DNAJC17: variants seen among roughly 807,000 people sequenced by gnomAD.
The protein encoded by DNAJC17 is DnaJ heat shock protein family (Hsp40) member C17.
DNAJC17 carries 35 observed loss-of-function variants against 48.1 expected under a neutral mutation model. The observed-to-expected ratio is 0.73, with a 90% CI of 0.56 to 0.96. The LOEUF (loss-of-function observed/expected upper bound fraction) is 0.96, where lower values mean the gene tolerates loss of function less well. DNAJC17 is among the 50% of genes least tolerant of loss of function. The pLI, the probability that DNAJC17 is intolerant of heterozygous loss-of-function variation, is 0.00. For synonymous variants in DNAJC17, 117 were observed against 142.7 expected (o/e 0.82, Z 1.28); for missense variants, 355 against 377.1 (o/e 0.94, Z 0.48).
intron 10 of DNAJC17, among the ~76,000 whole-genome samples, chr15:40,772,754 C>A (rs1173217207): frequency 6.6e-6 from 1 of 152,238 alleles, no homozygotes; most frequent in Non-Finnish European, 1.5e-5. Context: ...ATCTTGCCCC[C>A]AAAGCAATCT....
chr15:40,777,618 TGAGGCAGGAGAATCGCTTGAACCCAG>T (rs1889368569), intron 4 of DNAJC17, among the ~76,000 whole-genome samples: 3 of 150,926 alleles, frequency 2.0e-5, no homozygotes, highest in Admixed American at 2.0e-4. Flanking sequence ...CTCGGGAGGC[TGAGGCAGGAGAATCGCTTGAACCCAG>T]GAGGCAGAGG....
chr15:40,807,135 G>C, intron 1 of DNAJC17: 1 of 1,051,842 alleles, frequency 9.5e-7, no homozygotes, highest in Non-Finnish European at 1.3e-6. Context: ...AGGGGCCACG[G>C]GGAGAGCACA....
chr15:40,806,476 C>G (rs1201681947), intron 1 of DNAJC17, among the ~76,000 whole-genome samples: 1 of 152,110 alleles, frequency 6.6e-6, no homozygotes, highest in African/African-American at 2.4e-5. Context: ...CTCGGCCTCC[C>G]AAAGTGCTGA....
In DNAJC17 at chr15:40,779,962, G is replaced by C. The variant is rs1305083834; in HGVS notation, c.114C>G (p.Cys38Trp). The C allele has an allele frequency of 1.4e-5, 22 of 1,613,998 alleles. No individual in the cohort carries two copies. The highest frequency in any genetic ancestry group is 1.7e-5 in the Admixed American group (1 of 59,994). The change falls in exon 2 of 11, where the codon TGC becomes TGG. Residue 38 changes from cysteine to tryptophan, a missense_variant. By Grantham distance (215) the Cys-to-Trp change is radical. Transcript: ENST00000220496. ...KKAYRQKALSCHPDKNPDNPR... is the reference protein window; with the variant it reads ...KKAYRQKALSWHPDKNPDNPR... Reference sequence around the variant, plus strand: ...GATTATCTGGATTTTTGTCTGGGTGGCAGGAGAGGGCCTTCTGCCTATACG... The same window carrying C: ...GATTATCTGGATTTTTGTCTGGGTGCCAGGAGAGGGCCTTCTGCCTATACG...
intron 1 of DNAJC17, chr15:40,807,162 A>T: frequency 7.8e-7 from 1 of 1,275,086 alleles, no homozygotes; most frequent in Non-Finnish European, 1.1e-6. Context: ...CGGCGCGAAG[A>T]GCCCTCTGTA....
chr15:40,779,816 C>A, intron 2 of DNAJC17, 112 bp downstream of exon 2: 1 of 1,302,180 alleles, frequency 7.7e-7, no homozygotes, highest in South Asian at 1.3e-5. Flanking sequence ...TTGCCTGGAG[C>A]CAGGCAATGT....
intron 1 of DNAJC17, among the ~76,000 whole-genome samples, chr15:40,800,876 T>C (rs982867193): frequency 4.6e-5 from 7 of 151,318 alleles, no homozygotes; most frequent in African/African-American, 1.7e-4. Context: ...GAGAATTGCT[T>C]GAACCTGGGA....
chr15:40,801,627 C>T (rs1226003872), intron 1 of DNAJC17, among the ~76,000 whole-genome samples: 1 of 151,706 alleles, frequency 6.6e-6, no homozygotes, highest in Non-Finnish European at 1.5e-5. Flanking sequence ...GTGGCGGGCG[C>T]CTGTAGTCCC....
intron 1 of DNAJC17, among the ~76,000 whole-genome samples, chr15:40,801,394 C>T (rs2141964722): frequency 6.6e-6 from 1 of 152,294 alleles, no homozygotes; most frequent in East Asian, 1.9e-4. Flanking sequence ...CAAGTAAAAG[C>T]AACCCAGATT....
intron 1 of DNAJC17, among the ~76,000 whole-genome samples, chr15:40,794,378 C>G (rs979654849): frequency 2.0e-5 from 3 of 151,768 alleles, no homozygotes; most frequent in Non-Finnish European, 4.4e-5. Flanking sequence ...AAGAACAAAA[C>G]CTGTTACTTT....
intron 1 of DNAJC17, among the ~76,000 whole-genome samples, chr15:40,791,073 C>T (rs1889786682): frequency 6.6e-6 from 1 of 152,144 alleles, no homozygotes; most frequent in South Asian, 2.1e-4. Context: ...TGCGGTGACT[C>T]ATGCCTGTAA....
intron 8 of DNAJC17, 45 bp downstream of exon 8, chr15:40,774,986 C>G: frequency 6.2e-7 from 1 of 1,600,198 alleles, no homozygotes; most frequent in Non-Finnish European, 8.6e-7. Flanking sequence ...TGGACTGAGA[C>G]GTGGACTGAG....
intron 10 of DNAJC17, chr15:40,771,323 G>A (rs546561996): frequency 4.6e-5 from 20 of 430,860 alleles, no homozygotes; most frequent in Middle Eastern, 7.1e-4. Flanking sequence ...AGGCTGTGCC[G>A]GGAAAGGGAG....
chr15:40,778,217 C>T (rs1463354719), intron 4 of DNAJC17, among the ~76,000 whole-genome samples: 2 of 151,682 alleles, frequency 1.3e-5, no homozygotes, highest in African/African-American at 2.4e-5. Context: ...AAGAAGAAGA[C>T]TCAGCCAGAA....
Position 40,801,709 on chromosome 15 carries a change from G to T in DNAJC17, c.78+5660C>A, listed in dbSNP as rs1890076122. Among the ~76,000 whole-genome samples, 3 of 144,022 alleles carry T rather than the reference G, an allele frequency of 2.1e-5. No individual in the cohort carries two copies. The South Asian group carries it at 6.5e-4, about 31-fold the overall frequency. 94.5% of individuals were successfully genotyped at this position (144,022 alleles called of 152,430 possible). On this transcript the variant is annotated intron_variant, in intron 1 of 10. Coordinates refer to ENST00000220496, the MANE Select transcript of DNAJC17 (RefSeq NM_018163.3). ...CGGAGCTTGCAGCCACTGCACTCCA[G>T]CCTGGGTGACAGAGCGAGACTCCGT...
At chr15:40,800,309 C>T (rs771286840) in intron 1 of DNAJC17, among the ~76,000 whole-genome samples, 4 of 152,130 alleles carry the variant, frequency 2.6e-5, no homozygotes, top group Non-Finnish European at 5.9e-5. Context: ...CTCAGGTGAT[C>T]CACCTGCCTC....
rs146384602 is a variant in DNAJC17, at chr15:40,766,196, G to A, written c.*1744C>T. 1.1e-5 allele frequency: 3 copies of A among 272,948 alleles called. No homozygotes were observed. The highest frequency in any genetic ancestry group is 1.4e-5 in the Non-Finnish European group (2 of 145,642). 16.9% of individuals were successfully genotyped at this position (272,948 alleles called of 1,614,324 possible). On this transcript the variant is annotated 3_prime_UTR_variant, in exon 11 of 11. Coordinates refer to ENST00000220496, the MANE Select transcript of DNAJC17 (RefSeq NM_018163.3). ...GGGTCTAGGACTCCACTAGCAGACT[G>A]TTCCTTGCCCTGCCCTCTCCTAAGC...
At chr15:40,803,278 T>A (rs1890120456) in intron 1 of DNAJC17, among the ~76,000 whole-genome samples, 1 of 152,216 alleles carries the variant, frequency 6.6e-6, no homozygotes, top group Admixed American at 6.5e-5. Context: ...CTTCCTTGTA[T>A]ACACTTTAAA....
At chr15:40,802,969 G>A (rs905611347) in intron 1 of DNAJC17, among the ~76,000 whole-genome samples, 1 of 152,036 alleles carries the variant, frequency 6.6e-6, no homozygotes, top group African/African-American at 2.4e-5. Context: ...CAGGCATGGC[G>A]GTGCACACCT....
Sources: gnomAD v4.1 joint callset for allele counts (sites outside exome capture counted in the v4.1 genomes callset) on GRCh38, gnomAD v4.1.1 for gene constraint, MANE v1.5 for transcripts, NCBI Gene and HGNC (gene_info 2026-07-23, HGNC 2026-07-21) for gene names.